The following ERGIC2 variants were observed in gnomAD, a reference collection of about 807,000 sequenced individuals.
ERGIC2 encodes endoplasmic reticulum-Golgi intermediate compartment protein 2.
A neutral mutation model predicts 52.5 loss-of-function variants in ERGIC2; 31 were observed. The observed-to-expected ratio is 0.59, with a 90% CI of 0.44 to 0.80. The LOEUF is 0.80. Ranked by LOEUF, ERGIC2 falls within the 30% of genes least tolerant of loss-of-function variation. The pLI is 0.00. For missense variants in ERGIC2, 395 were observed against 455.2 expected (o/e 0.87, Z 1.20); for synonymous variants, 129 against 140.6 (o/e 0.92, Z 0.58).
chr12:29,361,754 T>TG, intron 5 of ERGIC2, 69 bp from the exon 6 acceptor site: 1 of 1,357,982 alleles, frequency 7.4e-7, no homozygotes, highest in Non-Finnish European at 1.0e-6. Context: ...TAATTTAAAA[T>TG]TTTTTCTTTG....
intron 1 of ERGIC2, among the ~76,000 whole-genome samples, chr12:29,376,317 G>A (rs189976280): frequency 3.1e-3 from 466 of 152,158 alleles, no homozygotes; most frequent in Non-Finnish European, 5.1e-3. Flanking sequence ...TCTCACTTCC[G>A]TACTTGTTGC....
chr12:29,345,423 A>G lies in ERGIC2; in HGVS notation c.825+20T>C. 7.7e-7 allele frequency: 1 copy of G among 1,299,612 alleles called. No individual in the cohort carries two copies. The highest frequency in any genetic ancestry group is 1.1e-6 in the Non-Finnish European group (1 of 915,084). 80.5% of individuals were successfully genotyped at this position (1,299,612 alleles called of 1,614,324 possible). On this transcript the variant is annotated intron_variant, in intron 11 of 13. Coordinates refer to ENST00000360150, the MANE Select transcript of ERGIC2 (RefSeq NM_016570.3). ...TTTAAAAAAATCACCAAATTATTTT[A>G]CCGGTTGGATTCAACTTACCCTTTC...
intron 3 of ERGIC2, among the ~76,000 whole-genome samples, chr12:29,368,854 G>T (rs569732615): frequency 8.0e-4 from 122 of 151,970 alleles, no homozygotes; most frequent in African/African-American, 2.6e-3. Context: ...TGGAAACTAG[G>T]TCTATGTAAC....
chr12:29,379,884 A>T (rs921457076), intron 1 of ERGIC2, among the ~76,000 whole-genome samples: 3 of 152,156 alleles, frequency 2.0e-5, no homozygotes, highest in Non-Finnish European at 4.4e-5. Context: ...CACTTAAATC[A>T]TCAATCCCCA....
intron 1 of ERGIC2, chr12:29,372,413 G>A (rs946931646): frequency 4.0e-5 from 6 of 151,638 alleles, no homozygotes; most frequent in Non-Finnish European, 7.4e-5. Context: ...GGGAGAAAGC[G>A]GGAAAAGGCG....
In ERGIC2 at chr12:29,368,227, GA is replaced by G; in HGVS notation, c.262+13del. 1 of 1,536,040 alleles carries G rather than the reference GA, an allele frequency of 6.5e-7. No individual in the cohort carries two copies. The highest frequency in any genetic ancestry group is 9.0e-7 in the Non-Finnish European group (1 of 1,111,240). ...AACCTACATGTGGATTCAGCAAGTT[GA>G]AGGTGTACTTACATTGACACTTCAT... On this transcript the variant is annotated intron_variant, in intron 4 of 13. Coordinates refer to ENST00000360150, the MANE Select transcript of ERGIC2 (RefSeq NM_016570.3).
At position 29,337,833 on chromosome 12, in the gene ERGIC2, C is replaced by T. The variant is rs932583149; in HGVS notation, c.*3323G>A. On this transcript the variant is annotated 3_prime_UTR_variant, in exon 14 of 14. Transcript: ENST00000360150. The stretch of plus-strand genomic sequence containing the variant: ...TACTTTTTGGTACTTGAATTACTAA[C>T]TCAGGACATAGATGGAATGCACAGT... The T allele has an allele frequency of 9.9e-5, 15 of 152,140 alleles. No individual in the cohort carries two copies. The highest frequency in any genetic ancestry group is 3.6e-4 in the African/African-American group (15 of 41,428). 9.4% of individuals were successfully genotyped at this position (152,140 alleles called of 1,614,324 possible).
intron 10 of ERGIC2, among the ~76,000 whole-genome samples, chr12:29,348,727 A>G (rs1591989167): frequency 6.6e-6 from 1 of 151,986 alleles, no homozygotes; most frequent in African/African-American, 2.4e-5. Flanking sequence ...TTCTTCTCAT[A>G]ATGTTGAACC....
At chr12:29,362,431 TG>T (rs1940300088) in intron 5 of ERGIC2, among the ~76,000 whole-genome samples, 1 of 151,914 alleles carries the variant, frequency 6.6e-6, no homozygotes, top group Admixed American at 6.6e-5. Context: ...AAAAAAACCC[TG>T]TCTGTACTAA....
At chr12:29,363,204 C>T (rs1047882044) in intron 5 of ERGIC2, among the ~76,000 whole-genome samples, 1 of 152,096 alleles carries the variant, frequency 6.6e-6, no homozygotes, top group Non-Finnish European at 1.5e-5. Flanking sequence ...TTCTTACTTT[C>T]CCACCTTTTA....
chr12:29,372,987 A>T (rs984931799), intron 1 of ERGIC2: 1 of 152,124 alleles, frequency 6.6e-6, no homozygotes, highest in Non-Finnish European at 1.5e-5. Flanking sequence ...AAAAAAAAAA[A>T]AATTAATGAC....
At position 29,343,200 on chromosome 12, in the gene ERGIC2, G is replaced by C; in HGVS notation, c.908C>G (p.Thr303Arg). 1 of 1,610,666 alleles carries C rather than the reference G, an allele frequency of 6.2e-7. No individual in the cohort carries two copies. The highest frequency in any genetic ancestry group is 8.5e-7 in the Non-Finnish European group (1 of 1,177,624). ...MKYDLSSLMV[T>R]VTEEHMPFWQ... The stretch of plus-strand genomic sequence containing the variant: ...GAATGGCATGTGCTCCTCAGTAACT[G>C]TCACCATAAGAGAACTGAGATCATA... Residue 303 changes from threonine (T) to arginine (R), a missense_variant, in exon 12 of 14, where the codon ACA (threonine) becomes AGA (arginine). Coordinates refer to ENST00000360150, the MANE Select transcript of ERGIC2 (RefSeq NM_016570.3).
At chr12:29,352,216 A>G (rs1390125834) in intron 8 of ERGIC2, among the ~76,000 whole-genome samples, 1 of 152,242 alleles carries the variant, frequency 6.6e-6, no homozygotes, top group East Asian at 1.9e-4. Context: ...TAATTACTCA[A>G]CTGTGGTACT....
At chr12:29,349,424 G>A (rs1002276088) in intron 9 of ERGIC2, among the ~76,000 whole-genome samples, 38 of 151,862 alleles carry the variant, frequency 2.5e-4, no homozygotes, top group African/African-American at 7.7e-4. Context: ...ACAATTTAAC[G>A]TCTAGAAAAT....
intron 6 of ERGIC2, among the ~76,000 whole-genome samples, chr12:29,358,034 A>G (rs545156747): frequency 2.6e-5 from 4 of 152,312 alleles, no homozygotes; most frequent in African/African-American, 9.6e-5. Flanking sequence ...TCATGCATAC[A>G]TGCACAATTA....
intron 3 of ERGIC2, among the ~76,000 whole-genome samples, chr12:29,369,709 TAAAG>T (rs1428408112): frequency 2.0e-5 from 3 of 152,116 alleles, no homozygotes; most frequent in African/African-American, 4.8e-5. Context: ...CTTATTTACA[TAAAG>T]ATTTAGCTTA....
chr12:29,362,429 C>G (rs1449108516), intron 5 of ERGIC2, among the ~76,000 whole-genome samples: 1 of 151,792 alleles, frequency 6.6e-6, no homozygotes, highest in Non-Finnish European at 1.5e-5. Context: ...ACAAAAAAAC[C>G]CTGTCTGTAC....
chr12:29,353,926 A>G (rs1940168814), intron 8 of ERGIC2, among the ~76,000 whole-genome samples: 1 of 152,102 alleles, frequency 6.6e-6, no homozygotes. Context: ...GATATTTTCT[A>G]CCCTATCAGA....
intron 1 of ERGIC2, among the ~76,000 whole-genome samples, chr12:29,376,969 A>G (rs1387510210): frequency 6.6e-6 from 1 of 152,190 alleles, no homozygotes; most frequent in African/African-American, 2.4e-5. Flanking sequence ...AAAAACAGAT[A>G]TAACAGAGGT....
Sources: allele counts gnomAD v4.1 joint callset (sites outside exome capture counted in the v4.1 genomes callset), GRCh38; gene constraint gnomAD v4.1.1; transcripts MANE v1.5; gene names NCBI Gene and HGNC (gene_info 2026-07-23, HGNC 2026-07-21).